The following RAPGEF4 variants were observed in gnomAD, a reference collection of about 807,000 sequenced individuals.
RAPGEF4 encodes RAP guanine-nucleotide-exchange factor (GEF) 4.
Under a neutral mutation model 147.9 loss-of-function variants are expected in RAPGEF4, and 66 were observed. The ratio of observed to expected loss-of-function variants is 0.45; its 90% CI spans 0.37 to 0.55. The LOEUF is 0.55. Among genes scored for constraint, RAPGEF4 ranks in the 20% least tolerant of loss-of-function variants. RAPGEF4 has a pLI of 0.00. For synonymous variants in RAPGEF4, 419 were observed against 442.7 expected (o/e 0.95, Z 0.67); for missense variants, 1,071 against 1,257.3 (o/e 0.85, Z 2.24).
At chr2:172,911,186 G>A (rs916398185) in intron 4 of RAPGEF4, among the ~76,000 whole-genome samples, 3 of 152,170 alleles carry the variant, frequency 2.0e-5, no homozygotes, top group Non-Finnish European at 4.4e-5. Flanking sequence ...CACCTTGAAT[G>A]CTGTTTCTTA....
intron 4 of RAPGEF4, among the ~76,000 whole-genome samples, chr2:172,871,698 G>A (rs987732208): frequency 3.4e-5 from 5 of 146,880 alleles, no homozygotes; most frequent in African/African-American, 5.0e-5. Flanking sequence ...CAGCATTATC[G>A]AAATAAGCAA....
At chr2:172,973,171 G>A (rs1174643546) in intron 10 of RAPGEF4, among the ~76,000 whole-genome samples, 2 of 150,634 alleles carry the variant, frequency 1.3e-5, no homozygotes, top group Non-Finnish European at 3.0e-5. Context: ...GGAGTGCAGT[G>A]GGGTGATCTC....
intron 4 of RAPGEF4, among the ~76,000 whole-genome samples, chr2:172,815,155 G>A (rs570563846): frequency 1.2e-4 from 18 of 152,318 alleles, no homozygotes; most frequent in Non-Finnish European, 2.2e-4. Flanking sequence ...CCTGCTCCTT[G>A]TCTTTGTCCT....
intron 4 of RAPGEF4, among the ~76,000 whole-genome samples, chr2:172,896,204 T>C (rs1299674924): frequency 1.3e-5 from 2 of 152,230 alleles, no homozygotes; most frequent in East Asian, 1.9e-4. Flanking sequence ...TTCAGGTCTT[T>C]GATTTGAAAT....
chr2:173,029,123 C>G (rs904157953), intron 25 of RAPGEF4, among the ~76,000 whole-genome samples: 1 of 152,206 alleles, frequency 6.6e-6, no homozygotes, highest in African/African-American at 2.4e-5. Context: ...TCCCAGCACA[C>G]CAAAGGCCTC....
chr2:172,998,785 G>C (rs992937417), intron 16 of RAPGEF4, among the ~76,000 whole-genome samples: 14 of 152,172 alleles, frequency 9.2e-5, no homozygotes, highest in Non-Finnish European at 2.1e-4. Flanking sequence ...TTTTCCCTCT[G>C]ATTAACTGTT....
At chr2:172,976,404 G>A (rs748536684) in intron 10 of RAPGEF4, among the ~76,000 whole-genome samples, 10 of 152,226 alleles carry the variant, frequency 6.6e-5, no homozygotes, top group Non-Finnish European at 1.3e-4. Context: ...TTTAAGGGAA[G>A]TGGAAGAAGC....
At chr2:172,795,872 G>A (rs1317731601) in intron 2 of RAPGEF4, among the ~76,000 whole-genome samples, 3 of 152,170 alleles carry the variant, frequency 2.0e-5, no homozygotes, top group Admixed American at 2.0e-4. Context: ...CTGAGGTGTT[G>A]GGCTTTGTCC....
intron 14 of RAPGEF4, among the ~76,000 whole-genome samples, chr2:172,990,568 C>T (rs1692729841): frequency 6.6e-6 from 1 of 152,170 alleles, no homozygotes; most frequent in African/African-American, 2.4e-5. Flanking sequence ...AGAGCATAAC[C>T]ACACTATGCT....
chr2:172,795,124 T>G lies in RAPGEF4; in HGVS notation c.165T>G (p.Ile55Met), dbSNP rs1470058204. The stretch of plus-strand genomic sequence containing the variant: ...TTCACCCAAATCTCCTTCATCAGAT[T>G]TGCTTATGTGGTTATTATGAGAATC... ...EKFHPNLLHQ[I>M]CLCGYYENLE... The change falls in exon 2 of 31, where the codon ATT (isoleucine) becomes ATG (methionine). Residue 55 changes from isoleucine to methionine, a missense_variant. Ile to Met is a conservative substitution (Grantham distance 10, BLOSUM62 1). Coordinates refer to ENST00000397081, the MANE Select transcript of RAPGEF4 (RefSeq NM_007023.4). 6.2e-7 allele frequency: 1 copy of G among 1,612,516 alleles called. No homozygotes were observed. The highest frequency in any genetic ancestry group is 8.5e-7 in the Non-Finnish European group (1 of 1,178,596).
chr2:172,860,251 A>G, intron 4 of RAPGEF4: 7 of 985,376 alleles, frequency 7.1e-6, no homozygotes, highest in Non-Finnish European at 8.4e-6. Flanking sequence ...AAAAACTAGA[A>G]TGTACCCCTA....
chr2:172,831,833 T>C (rs1321929772), intron 4 of RAPGEF4, among the ~76,000 whole-genome samples: 1 of 152,170 alleles, frequency 6.6e-6, no homozygotes, highest in Non-Finnish European at 1.5e-5. Context: ...CCCTGTAAAT[T>C]ACCTCTACTG....
intron 1 of RAPGEF4, 66 bp from the exon 2 acceptor site, chr2:172,794,959 G>A: frequency 1.4e-6 from 2 of 1,426,580 alleles, no homozygotes; most frequent in Non-Finnish European, 1.9e-6. Context: ...TTAAAATGAG[G>A]CCTGTTGATT....
At chr2:172,772,416 TC>T (rs1458899894) in intron 1 of RAPGEF4, among the ~76,000 whole-genome samples, 1 of 152,054 alleles carries the variant, frequency 6.6e-6, no homozygotes, top group Non-Finnish European at 1.5e-5. Flanking sequence ...CAATCTTGGC[TC>T]ACTGCAGCCT....
intron 17 of RAPGEF4, among the ~76,000 whole-genome samples, chr2:173,007,770 G>T (rs57172007): frequency 0.024 from 3,611 of 152,134 alleles, 124 homozygotes; most frequent in African/African-American, 0.079. Flanking sequence ...TATGAAGGAA[G>T]AAATAGACGC....
At chr2:172,789,805 G>A (rs1227319595) in intron 1 of RAPGEF4, among the ~76,000 whole-genome samples, 1 of 152,098 alleles carries the variant, frequency 6.6e-6, no homozygotes, top group Admixed American at 6.6e-5. Context: ...CATTTTCAGG[G>A]GGTAAATAAT....
chr2:172,801,389 T>A (rs1686961855), intron 3 of RAPGEF4, among the ~76,000 whole-genome samples: 1 of 152,186 alleles, frequency 6.6e-6, no homozygotes, highest in African/African-American at 2.4e-5. Context: ...CTGCCCTGCA[T>A]GTCTGCTTTC....
chr2:172,788,916 T>TAAAATA (rs1390433019), intron 1 of RAPGEF4, among the ~76,000 whole-genome samples: 1 of 141,566 alleles, frequency 7.1e-6, no homozygotes, highest in Non-Finnish European at 1.6e-5. Flanking sequence ...TAAAATAAAA[T>TAAAATA]AAATAAATAA....
intron 22 of RAPGEF4, among the ~76,000 whole-genome samples, chr2:173,020,206 T>G (rs932720761): frequency 2.0e-5 from 3 of 152,210 alleles, no homozygotes; most frequent in African/African-American, 7.2e-5. Flanking sequence ...AATAGTAAAT[T>G]TTGCATCTAA....
Sources: gnomAD v4.1 joint callset for allele counts (sites outside exome capture counted in the v4.1 genomes callset) on GRCh38, gnomAD v4.1.1 for gene constraint, MANE v1.5 for transcripts, NCBI Gene and HGNC (gene_info 2026-07-23, HGNC 2026-07-21) for gene names.